The following CALN1 variants were observed in gnomAD, a reference collection of about 807,000 sequenced individuals.
CALN1 encodes calneuron 1.
In CALN1, 17 loss-of-function variants were observed where a neutral mutation model predicts 30.6. The ratio of observed to expected loss-of-function variants is 0.56; its 90% confidence interval spans 0.38 to 0.83. CALN1 has a LOEUF of 0.83. CALN1 is among the 40% of genes least tolerant of loss of function. The pLI is 0.00. For missense variants in CALN1, 291 were observed against 354.9 expected, an observed-to-expected ratio of 0.82 and a Z score of 1.45; for synonymous variants, 156 against 131.4, an observed-to-expected ratio of 1.19 and a Z score of -1.28.
At chr7:71,826,503 T>C (rs748050228) in intron 5 of CALN1, among the ~76,000 whole-genome samples, 1 of 152,168 alleles carries the variant, frequency 6.6e-6, no homozygotes, top group Non-Finnish European at 1.5e-5. Context: ...CTTGAATACC[T>C]AGGGCTAGGG....
At chr7:72,206,505 A>G (rs908103595) in intron 3 of CALN1, among the ~76,000 whole-genome samples, 1 of 152,184 alleles carries the variant, frequency 6.6e-6, no homozygotes. Flanking sequence ...AAATTTTGCC[A>G]AATTAATTTT....
chr7:72,148,492 G>T (rs893871787), intron 3 of CALN1, among the ~76,000 whole-genome samples: 2 of 152,088 alleles, frequency 1.3e-5, no homozygotes, highest in Non-Finnish European at 2.9e-5. Context: ...GCTACTACTT[G>T]CAAGGTTGAG....
chr7:72,237,744 C>T (rs1380420831), intron 3 of CALN1, among the ~76,000 whole-genome samples: 2 of 152,154 alleles, frequency 1.3e-5, no homozygotes. Flanking sequence ...CAGAGAGAAA[C>T]CCTTCCTTCT....
rs956044583 is a variant in CALN1 at position 71,782,809 on chromosome 7, C to G, written c.*4966G>C. On this transcript the variant is annotated 3_prime_UTR_variant, in exon 7 of 7. Transcript: ENST00000395275. Reference sequence around the variant, plus strand: ...CCAGGCTGGAGTGCAGTGGCGCGATCTCAGCTCACTGCAGCCTCCGCCTCC... The same window carrying G: ...CCAGGCTGGAGTGCAGTGGCGCGATGTCAGCTCACTGCAGCCTCCGCCTCC... 2.0e-5 allele frequency: 3 copies of G among 152,210 alleles called. No homozygotes were observed. The highest frequency in any genetic ancestry group is 7.2e-5 in the African/African-American group (3 of 41,436). 9.4% of individuals were successfully genotyped at this position (152,210 alleles called of 1,614,324 possible).
chr7:71,786,669 C>T lies in CALN1; in HGVS notation c.*1106G>A, dbSNP rs1396985803. 4 of 151,306 alleles carry T rather than the reference C, an allele frequency of 2.6e-5. No homozygotes were observed. Among genetic ancestry groups the T allele is most frequent in the South Asian group, 2.2e-4 (1 of 4,640 alleles). 9.4% of individuals were successfully genotyped at this position (151,306 alleles called of 1,614,324 possible). A position where few individuals can be genotyped will look rare whatever the true frequency, so the allele number is the denominator to read the frequency against. On this transcript the variant is annotated 3_prime_UTR_variant, in exon 7 of 7. Coordinates refer to ENST00000395275, the MANE Select transcript of CALN1 (RefSeq NM_031468.4). ...CATCTTTCCATTTTGGATTGCATTT[C>T]TCTTTTTAGCTGGGGAAGACTAACA...
At chr7:72,393,908 C>A (rs1449101443) in intron 2 of CALN1, among the ~76,000 whole-genome samples, 1 of 152,258 alleles carries the variant, frequency 6.6e-6, no homozygotes, top group East Asian at 1.9e-4. Context: ...GGCCACCGTG[C>A]CTGGCCTCGG....
intron 3 of CALN1, among the ~76,000 whole-genome samples, chr7:72,122,235 C>T (rs923671559): frequency 6.6e-6 from 1 of 152,126 alleles, no homozygotes; most frequent in Non-Finnish European, 1.5e-5. Context: ...TGTTCCTAAG[C>T]TGCAAACGTT....
intron 2 of CALN1, among the ~76,000 whole-genome samples, chr7:72,311,192 G>A (rs752487965): frequency 3.9e-4 from 59 of 151,914 alleles, no homozygotes; most frequent in Admixed American, 6.6e-4. Context: ...TCCATTTAAC[G>A]AATAGTAATA....
In CALN1 at chr7:72,216,193, C is replaced by T. The variant is rs538733356; in HGVS notation, c.244+62493G>A. On this transcript the variant is annotated intron_variant, in intron 3 of 6. Coordinates refer to ENST00000395275, the MANE Select transcript of CALN1 (RefSeq NM_031468.4). ...GCATTAGGAGGCTGATGGGGGAGGA[C>T]TGCTTGAGGCCAGGAGTTCGAGACC... Among the ~76,000 whole-genome samples, 23 of 151,980 alleles carry T rather than the reference C, an allele frequency of 1.5e-4. No homozygotes were observed. In the South Asian group the frequency reaches 4.8e-3, roughly 32 times the overall value.
chr7:71,864,431 T>G (rs1791472432), intron 5 of CALN1, among the ~76,000 whole-genome samples: 1 of 152,136 alleles, frequency 6.6e-6, no homozygotes, highest in Non-Finnish European at 1.5e-5. Context: ...CTGTAAGAGC[T>G]AAGAGTAGTT....
intron 3 of CALN1, among the ~76,000 whole-genome samples, chr7:72,223,210 T>C (rs973548112): frequency 7.9e-5 from 12 of 152,102 alleles, no homozygotes; most frequent in African/African-American, 2.4e-4. Context: ...GGGGTTCCCA[T>C]TCTTCTGACA....
chr7:72,363,075 T>C (rs6977668), intron 2 of CALN1, among the ~76,000 whole-genome samples: 31,133 of 152,046 alleles, frequency 0.2, 4,040 homozygotes, highest in East Asian at 0.37. Flanking sequence ...GAAGATTTGT[T>C]ATACAGGCAA....
intron 2 of CALN1, among the ~76,000 whole-genome samples, chr7:72,287,424 A>G (rs1193216586): frequency 6.7e-6 from 1 of 148,306 alleles, no homozygotes; most frequent in Non-Finnish European, 1.5e-5. Flanking sequence ...CCATACACAT[A>G]CACCAAATTA....
rs200153040 is a variant in CALN1, at chr7:72,389,943, GAAAGA to G, written c.119+13303_119+13307del. 6.0e-3 allele frequency among the ~76,000 whole-genome samples: 899 copies of G among 149,388 alleles called. 8 individuals carry two copies. Among genetic ancestry groups the G allele is most frequent in the South Asian group, 0.032 (149 of 4,704 alleles). On this transcript the variant is annotated intron_variant, in intron 2 of 6. Transcript: ENST00000395275. ...AACCCCATCTAAAAAAAAAAAAGAA[GAAAGA>G]AAAGAAAAAAAAGGGGAGAATTAAC...
chr7:72,145,241 C>A (rs940258593), intron 3 of CALN1, among the ~76,000 whole-genome samples: 3 of 151,676 alleles, frequency 2.0e-5, no homozygotes, highest in African/African-American at 7.3e-5. Context: ...AATAAAGAAG[C>A]AAAGAGAGAA....
chr7:71,812,917 T>TATCATCATC (rs374067128), intron 5 of CALN1, among the ~76,000 whole-genome samples: 37 of 138,118 alleles, frequency 2.7e-4, no homozygotes, highest in Non-Finnish European at 3.6e-4. Context: ...CTATTTTATT[T>TATCATCATC]ATCATCATCA....
intron 5 of CALN1, among the ~76,000 whole-genome samples, chr7:71,964,660 CA>C (rs372547985): frequency 0.055 from 8,131 of 148,420 alleles, 582 homozygotes; most frequent in African/African-American, 0.16. Context: ...GACTCTGTCT[CA>C]AAAAAAAACC....
chr7:72,333,228 T>A (rs924117630), intron 2 of CALN1, among the ~76,000 whole-genome samples: 3 of 152,188 alleles, frequency 2.0e-5, no homozygotes, highest in African/African-American at 7.2e-5. Context: ...ACCATCCATC[T>A]CTGTTCACAA....
intron 3 of CALN1, among the ~76,000 whole-genome samples, chr7:72,259,870 C>G (rs923700664): frequency 3.3e-5 from 5 of 152,188 alleles, no homozygotes; most frequent in African/African-American, 1.2e-4. Context: ...CCACTTCTCT[C>G]AAATCCATTC....
Sources: gnomAD v4.1 joint callset for allele counts (sites outside exome capture counted in the v4.1 genomes callset) on GRCh38, gnomAD v4.1.1 for gene constraint, MANE v1.5 for transcripts, NCBI Gene and HGNC (gene_info 2026-07-23, HGNC 2026-07-21) for gene names.